CD99L2: variants seen among roughly 807,000 people sequenced by gnomAD.
CD99L2 encodes CD99 antigen-like protein 2.
A neutral mutation model predicts 27.3 loss-of-function variants in CD99L2; 24 were observed. That is an observed-to-expected ratio of 0.88 (90% confidence interval 0.64 to 1.24). The LOEUF is 1.24. Ranked by LOEUF, CD99L2 falls within the 50% of genes most tolerant of loss-of-function variation. The pLI is 0.00. For synonymous variants in CD99L2, 97 were observed against 87.9 expected (o/e 1.10, Z -0.58); for missense variants, 255 against 221.6 (o/e 1.15, Z -0.96).
In CD99L2 at chrX:150,786,015, G is replaced by A. The variant is rs183531265; in HGVS notation, c.496+7676C>T. Among the ~76,000 whole-genome samples, 603 of 111,496 alleles carry A rather than the reference G, an allele frequency of 5.4e-3. 5 individuals carry two copies. The highest frequency in any genetic ancestry group is 0.014 in the Middle Eastern group (3 of 217). On this transcript the variant is annotated intron_variant, in intron 7 of 10. Coordinates refer to ENST00000370377, the MANE Select transcript of CD99L2 (RefSeq NM_031462.4). ...CTCTCATTTCTCTTGAATAGGGAAT[G>A]AAATTGCTGGGTCGCTAGGTAGGTC...
At chrX:150,801,038 A>G (rs181557908) in intron 4 of CD99L2, among the ~76,000 whole-genome samples, 1 of 110,476 alleles carries the variant, frequency 9.1e-6, no homozygotes, top group African/African-American at 3.3e-5. Flanking sequence ...TCTCAAAAAA[A>G]AAAACAAAAA....
chrX:150,769,689 GCCTCGGCTGCTCCCCGA>G (rs201997890), intron 10 of CD99L2, among the ~76,000 whole-genome samples: 16,590 of 99,821 alleles, frequency 0.17, 2,977 homozygotes, highest in African/African-American at 0.59. Context: ...GCGCCACCAG[GCCTCGGCTGCTCCCCGA>G]CCCCAGCAAG....
rs192790556 is a variant in CD99L2, at chrX:150,851,697, A to T, written c.68-20404T>A. The stretch of plus-strand genomic sequence containing the variant: ...GTGTTCCTTCTGAAGCTTCCAATCC[A>T]TTTCCTTGCCTTTGCCAGCTTCTGG... On this transcript the variant is annotated intron_variant, in intron 1 of 10. Coordinates refer to ENST00000370377, the MANE Select transcript of CD99L2 (RefSeq NM_031462.4). 6.3e-5 allele frequency among the ~76,000 whole-genome samples: 7 copies of T among 111,487 alleles called. No homozygotes were observed. In the East Asian group the frequency reaches 2.0e-3, roughly 31 times the overall value.
At chrX:150,824,647 A>AGAAGAAGAAGAAGAG (rs1231979673) in intron 2 of CD99L2, among the ~76,000 whole-genome samples, 4,757 of 87,065 alleles carry the variant, frequency 0.055, 156 homozygotes, top group African/African-American at 0.11. Flanking sequence ...GAGGAGAAGA[A>AGAAGAAGAAGAAGAG]GAAGAAGAAG....
At chrX:150,885,853 T>C (rs1457464889) in intron 1 of CD99L2, among the ~76,000 whole-genome samples, 1 of 112,422 alleles carries the variant, frequency 8.9e-6, no homozygotes, top group Non-Finnish European at 1.9e-5. Context: ...TCTTTTTCAC[T>C]GGTTCGCAGA....
At chrX:150,818,201 G>GAGATATATATATATATATATAT (rs2046193375) in intron 2 of CD99L2, among the ~76,000 whole-genome samples, 1 of 86,274 alleles carries the variant, frequency 1.2e-5, no homozygotes, top group Non-Finnish European at 2.2e-5. Context: ...CAAGTAGGCA[G>GAGATATATATATATATATATAT]ATATATATAT....
chrX:150,874,003 T>C (rs1340789581), intron 1 of CD99L2, among the ~76,000 whole-genome samples: 3 of 112,725 alleles, frequency 2.7e-5, no homozygotes, highest in Non-Finnish European at 5.6e-5. Flanking sequence ...ATGCTTTTCA[T>C]AGGGTTATAG....
chrX:150,896,763 G>C (rs2047617973), intron 1 of CD99L2, among the ~76,000 whole-genome samples: 1 of 112,430 alleles, frequency 8.9e-6, no homozygotes, highest in South Asian at 3.7e-4. Flanking sequence ...CCAGGTGCAA[G>C]GGCATATGCC....
At chrX:150,780,066 T>A (rs2045484434) in intron 7 of CD99L2, among the ~76,000 whole-genome samples, 1 of 111,534 alleles carries the variant, frequency 9.0e-6, no homozygotes, top group Non-Finnish European at 1.9e-5. Flanking sequence ...AGCTCAATAA[T>A]AAAAAGGCAA....
At chrX:150,878,874 G>A (rs1160068301) in intron 1 of CD99L2, among the ~76,000 whole-genome samples, 1 of 111,662 alleles carries the variant, frequency 9.0e-6, no homozygotes, top group Non-Finnish European at 1.9e-5. Context: ...AGGTCATTGG[G>A]GTCCATTATT....
chrX:150,772,801 C>T (rs954924085), intron 9 of CD99L2, among the ~76,000 whole-genome samples: 3 of 110,738 alleles, frequency 2.7e-5, no homozygotes, highest in Admixed American at 9.5e-5. Context: ...GGGGAATGCA[C>T]GGACATGAGG....
At chrX:150,786,645 G>A (rs1557419564) in intron 7 of CD99L2, among the ~76,000 whole-genome samples, 2 of 111,885 alleles carry the variant, frequency 1.8e-5, no homozygotes, top group Non-Finnish European at 3.8e-5. Flanking sequence ...GGTTGATTCC[G>A]TGTCTTTGCT....
intron 4 of CD99L2, among the ~76,000 whole-genome samples, chrX:150,797,391 C>G (rs1209204036): frequency 1.8e-5 from 2 of 112,064 alleles, no homozygotes; most frequent in Non-Finnish European, 3.8e-5. Context: ...TATTTGACAA[C>G]TTGGAAGAAA....
At chrX:150,826,547 T>A (rs1424335918) in intron 2 of CD99L2, among the ~76,000 whole-genome samples, 2 of 111,675 alleles carry the variant, frequency 1.8e-5, no homozygotes, top group African/African-American at 6.5e-5. Flanking sequence ...GGGAAGTCCA[T>A]GGAGACAGAA....
chrX:150,793,462 A>G (rs1291697471), intron 7 of CD99L2, among the ~76,000 whole-genome samples: 1 of 112,369 alleles, frequency 8.9e-6, no homozygotes, highest in Non-Finnish European at 1.9e-5. Context: ...TTAACCTATC[A>G]GCACTGCTGC....
Position 150,776,293 on chromosome X carries a change from C to G in CD99L2, c.536G>C (p.Gly179Ala). ...AATGGTGCCAGGCTCTGCCACCATGCCTGCGTGAAGAAGGGGGAGAAATGA... is the reference window on the plus strand; with the variant it reads ...AATGGTGCCAGGCTCTGCCACCATGGCTGCGTGAAGAAGGGGGAGAAATGA... ...RYGSNDDPGS[G>A]MVAEPGTIAG... The change falls in exon 9 of 11, where the codon GGC (glycine) becomes GCC (alanine). Residue 179 changes from glycine to alanine, a missense_variant and splice_region_variant. Physicochemically the swap from Gly to Ala is moderately conservative, Grantham distance 60 (BLOSUM62 0). Transcript: ENST00000370377. 1 of 1,203,216 alleles carries G rather than the reference C, an allele frequency of 8.3e-7. No individual in the cohort carries two copies. Among genetic ancestry groups the G allele is most frequent in the Non-Finnish European group, 1.1e-6 (1 of 891,286 alleles).
chrX:150,872,241 A>G (rs145067774), intron 1 of CD99L2, among the ~76,000 whole-genome samples: 1,229 of 110,357 alleles, frequency 0.011, 17 homozygotes, highest in African/African-American at 0.038. Flanking sequence ...AAACAAAAAC[A>G]AACAAAAAAA....
intron 1 of CD99L2, among the ~76,000 whole-genome samples, chrX:150,845,140 T>C (rs1313359917): frequency 2.7e-5 from 3 of 111,789 alleles, no homozygotes; most frequent in Non-Finnish European, 3.8e-5. Flanking sequence ...TCTACAACGG[T>C]TGTTCACAAG....
intron 4 of CD99L2, among the ~76,000 whole-genome samples, chrX:150,809,313 C>A (rs2046040513): frequency 9.0e-6 from 1 of 111,428 alleles, no homozygotes; most frequent in African/African-American, 3.3e-5. Context: ...GACCCCTAGC[C>A]CCAGATGACA....
Sources: gnomAD v4.1 joint callset for allele counts (sites outside exome capture counted in the v4.1 genomes callset) on GRCh38, gnomAD v4.1.1 for gene constraint, MANE v1.5 for transcripts, NCBI Gene and HGNC (gene_info 2026-07-23, HGNC 2026-07-21) for gene names.